SYN3: variants seen among roughly 807,000 people sequenced by gnomAD.
SYN3 encodes synapsin III, also known as synapsin-3.
Under a neutral mutation model 65.8 loss-of-function variants are expected in SYN3, and 35 were observed. That is an observed-to-expected ratio of 0.53 (90% CI 0.41 to 0.70). The LOEUF (loss-of-function observed/expected upper bound fraction) is 0.70, where lower values mean the gene tolerates loss of function less well. Ranked by LOEUF, SYN3 falls within the 30% of genes least tolerant of loss-of-function variation. The pLI is 0.00. For missense variants in SYN3, 680 were observed against 749.0 expected, an observed-to-expected ratio of 0.91 and a Z score of 1.08; for synonymous variants, 270 against 292.9, an observed-to-expected ratio of 0.92 and a Z score of 0.80.
At chr22:32,706,880 T>C (rs1181649994) in intron 6 of SYN3, among the ~76,000 whole-genome samples, 2 of 152,082 alleles carry the variant, frequency 1.3e-5, no homozygotes, top group African/African-American at 4.8e-5. Context: ...CCCTACTCTC[T>C]CTTCACCTTC....
At chr22:33,036,950 C>T (rs1182448984) in intron 1 of SYN3, among the ~76,000 whole-genome samples, 2 of 152,148 alleles carry the variant, frequency 1.3e-5, no homozygotes, top group East Asian at 3.9e-4. Flanking sequence ...CTCGGCCTCC[C>T]AAAGTGCTGG....
At chr22:32,890,394 T>C (rs567535139) in intron 4 of SYN3, among the ~76,000 whole-genome samples, 1 of 151,130 alleles carries the variant, frequency 6.6e-6, no homozygotes, top group Admixed American at 6.6e-5. Flanking sequence ...ACCTTTTTTT[T>C]ATTTGAGACA....
chr22:32,677,481 A>G (rs2060462474), intron 6 of SYN3, among the ~76,000 whole-genome samples: 1 of 152,134 alleles, frequency 6.6e-6, no homozygotes, highest in Admixed American at 6.5e-5. Context: ...CCATTGAAAG[A>G]AACAAATTAG....
intron 6 of SYN3, among the ~76,000 whole-genome samples, chr22:32,809,382 T>G (rs2046851181): frequency 6.6e-6 from 1 of 152,168 alleles, no homozygotes; most frequent in African/African-American, 2.4e-5. Context: ...TTATCTTTGG[T>G]TTTCTTCCTC....
At chr22:32,686,595 T>C (rs2060592341) in intron 6 of SYN3, among the ~76,000 whole-genome samples, 1 of 139,878 alleles carries the variant, frequency 7.1e-6, no homozygotes, top group Non-Finnish European at 1.6e-5. Context: ...CCTCCATTTT[T>C]TTTTTTTTTT....
intron 1 of SYN3, among the ~76,000 whole-genome samples, chr22:33,044,386 C>T (rs1569421250): frequency 6.6e-6 from 1 of 152,108 alleles, no homozygotes; most frequent in South Asian, 2.1e-4. Flanking sequence ...TGTATTTCAC[C>T]ATGGCAGGCC....
chr22:32,692,155 C>CAAAAAAAAAAAAAAAAA (rs1188224009), intron 6 of SYN3, among the ~76,000 whole-genome samples: 4 of 34,494 alleles, frequency 1.2e-4, no homozygotes, highest in African/African-American at 5.7e-4. Context: ...GACAAAAAGA[C>CAAAAAAAAAAAAAAAAA]AAAAAAAAAA....
intron 6 of SYN3, among the ~76,000 whole-genome samples, chr22:32,614,562 G>A (rs2710394): frequency 0.18 from 27,623 of 152,096 alleles, 2,790 homozygotes; most frequent in Non-Finnish European, 0.2. Context: ...TGGGGAGGTG[G>A]GGACTCACAG....
At chr22:32,793,883 C>T (rs138217443) in intron 6 of SYN3, among the ~76,000 whole-genome samples, 2 of 152,312 alleles carry the variant, frequency 1.3e-5, no homozygotes, top group East Asian at 3.9e-4. Flanking sequence ...CTGGGAATAC[C>T]AGAGCCCAAA....
At chr22:32,710,090 C>T (rs1351361408) in intron 6 of SYN3, among the ~76,000 whole-genome samples, 6 of 97,100 alleles carry the variant, frequency 6.2e-5, no homozygotes, top group African/African-American at 1.6e-4. Flanking sequence ...CACACACACA[C>T]ACACACACAT....
At position 33,021,784 on chromosome 22, in the gene SYN3, A is replaced by ATT. The variant is rs57313381; in HGVS notation, c.-162-14962_-162-14961dup. Among the ~76,000 whole-genome samples, 895 of 141,704 alleles carry ATT rather than the reference A, an allele frequency of 6.3e-3. 19 individuals are homozygous for ATT. The highest frequency in any genetic ancestry group is 0.038 in the Admixed American group (538 of 14,262). 93.0% of individuals were successfully genotyped at this position (141,704 alleles called of 152,430 possible). A position where few individuals can be genotyped will look rare whatever the true frequency, so the allele number is the denominator to read the frequency against. The stretch of plus-strand genomic sequence containing the variant: ...TTCTATAAACTATATACTGTAACTT[A>ATT]TTTTTTTTTTTTTTTTGCTTATTCT... On this transcript the variant is annotated intron_variant, in intron 1 of 13. Coordinates refer to ENST00000358763, the MANE Select transcript of SYN3 (RefSeq NM_003490.4).
chr22:32,678,138 G>A (rs1276417153), intron 6 of SYN3, among the ~76,000 whole-genome samples: 6 of 152,150 alleles, frequency 3.9e-5, no homozygotes. Flanking sequence ...CCCAATCTGG[G>A]GAGATTCGTG....
intron 7 of SYN3, among the ~76,000 whole-genome samples, chr22:32,579,474 G>A (rs186718320): frequency 8.0e-4 from 122 of 152,292 alleles, no homozygotes; most frequent in Admixed American, 1.4e-3. Context: ...TAAGGGCACT[G>A]ATCCTATTCA....
At chr22:32,533,702 T>C in intron 10 of SYN3, 91 bp downstream of exon 10, 1 of 868,372 alleles carries the variant, frequency 1.2e-6, no homozygotes, top group African/African-American at 1.6e-5. Context: ...AGGACACAGC[T>C]GATGGTGCCA....
chr22:32,613,165 C>G (rs1024941809), intron 6 of SYN3, among the ~76,000 whole-genome samples: 42 of 151,988 alleles, frequency 2.8e-4, no homozygotes, highest in African/African-American at 9.2e-4. Context: ...GGAACTGTGA[C>G]TCAATTAAGC....
At chr22:32,522,002 G>A (rs1445773756) in intron 12 of SYN3, among the ~76,000 whole-genome samples, 1 of 152,152 alleles carries the variant, frequency 6.6e-6, no homozygotes. Flanking sequence ...CATTACCACT[G>A]CCCTAGTTAT....
At chr22:32,636,041 C>T (rs531270492) in intron 6 of SYN3, among the ~76,000 whole-genome samples, 15 of 152,172 alleles carry the variant, frequency 9.9e-5, no homozygotes, top group African/African-American at 2.6e-4. Context: ...AATGTTGTCC[C>T]CAAAGAAATG....
chr22:32,695,734 T>C (rs2060727357), intron 6 of SYN3, among the ~76,000 whole-genome samples: 1 of 152,234 alleles, frequency 6.6e-6, no homozygotes. Flanking sequence ...GCTATCCACA[T>C]AGTGCCTTCC....
At chr22:33,025,317 G>A (rs1013954242) in intron 1 of SYN3, among the ~76,000 whole-genome samples, 42 of 151,910 alleles carry the variant, frequency 2.8e-4, no homozygotes, top group African/African-American at 9.7e-4. Context: ...AGCCAGGCAT[G>A]GTGGTGCATG....
Sources: gnomAD v4.1 joint callset for allele counts (sites outside exome capture counted in the v4.1 genomes callset) on GRCh38, gnomAD v4.1.1 for gene constraint, MANE v1.5 for transcripts, NCBI Gene and HGNC (gene_info 2026-07-23, HGNC 2026-07-21) for gene names.